The following RASGRF1 variants were observed in gnomAD, a reference collection of about 807,000 sequenced individuals.
RASGRF1 encodes the protein ras-specific guanine nucleotide-releasing factor 1.
A neutral mutation model predicts 138.7 loss-of-function variants in RASGRF1; 40 were observed. That is an observed-to-expected ratio of 0.29 (90% CI 0.22 to 0.38). RASGRF1 has a LOEUF of 0.38. Among genes scored for constraint, RASGRF1 ranks in the 10% least tolerant of loss-of-function variants. The probability of loss-of-function intolerance (pLI) is 1.00; values close to 1 mark genes in which losing one functional copy is unlikely to be tolerated. For missense variants in RASGRF1, 1,108 were observed against 1,650.4 expected (o/e 0.67, Z 5.69); for synonymous variants, 614 against 663.2 (o/e 0.93, Z 1.14).
chr15:78,994,345 G>A (rs1335326989), intron 20 of RASGRF1, among the ~76,000 whole-genome samples: 3 of 152,290 alleles, frequency 2.0e-5, no homozygotes, highest in African/African-American at 4.8e-5. Context: ...CTTCATAGGT[G>A]CCCTCACCAC....
rs1345041282 is a variant in RASGRF1, at chr15:78,985,010, C to T, written c.3411G>A (p.Lys1137=). 1.2e-6 allele frequency: 2 copies of T among 1,614,056 alleles called. No individual in the cohort carries two copies. Among genetic ancestry groups the T allele is most frequent in the Admixed American group, 3.3e-5 (2 of 60,022 alleles). Reference sequence around the variant, plus strand: ...GGTGCCAGCCTCCTGCCCGCACCTGCTTAGAGACTTTGAGCCACGTCTTTT... The same window carrying T: ...GGTGCCAGCCTCCTGCCCGCACCTGTTTAGAGACTTTGAGCCACGTCTTTT... ...RLKKTWLKVS[K]QTKALIDKLQ... is the part of the protein sequence containing the mutation. Residue 1137 remains lysine (K), a synonymous_variant, in exon 23 of 27, where the codon AAG becomes AAA. Transcript: ENST00000558480.
At chr15:79,084,755 C>T (rs963001331) in intron 1 of RASGRF1, among the ~76,000 whole-genome samples, 6 of 152,222 alleles carry the variant, frequency 3.9e-5, no homozygotes, top group African/African-American at 1.4e-4. Context: ...TGCCACTCAT[C>T]CTCTTCCACT....
rs2057505028 is a variant in RASGRF1, at chr15:79,055,959, C to T, written c.531+2375G>A. ...GACACAGCCCGTCCTTATGGAGTTC[C>T]TGCCAGGCCTGTTGGGGTGACAGGC... On this transcript the variant is annotated intron_variant, in intron 3 of 26. Coordinates refer to ENST00000558480, the MANE Select transcript of RASGRF1 (RefSeq NM_001145648.3). Among the ~76,000 whole-genome samples, 3 of 152,168 alleles carry T rather than the reference C, an allele frequency of 2.0e-5. No homozygotes were observed. The South Asian group carries it at 6.2e-4, about 32-fold the overall frequency.
intron 11 of RASGRF1, among the ~76,000 whole-genome samples, chr15:79,018,921 A>T (rs765136548): frequency 3.9e-5 from 6 of 152,188 alleles, no homozygotes; most frequent in Admixed American, 6.5e-5. Flanking sequence ...AGATGAAAGA[A>T]GGCTGCACTG....
intron 22 of RASGRF1, among the ~76,000 whole-genome samples, chr15:78,987,570 C>T (rs947393632): frequency 5.3e-5 from 8 of 152,064 alleles, no homozygotes; most frequent in Non-Finnish European, 5.9e-5. Context: ...GTGGCATGCA[C>T]CTGTAATCCC....
intron 5 of RASGRF1, among the ~76,000 whole-genome samples, chr15:79,039,490 T>C (rs967411128): frequency 1.3e-5 from 2 of 152,128 alleles, no homozygotes; most frequent in African/African-American, 4.8e-5. Context: ...TTTAAGAACA[T>C]TATCTGTTTG....
At chr15:78,978,843 G>A (rs1286384356) in intron 24 of RASGRF1, 3 of 1,185,424 alleles carry the variant, frequency 2.5e-6, no homozygotes, top group Admixed American at 3.5e-5. Context: ...AACCTGGTTT[G>A]CATAAAGCTC....
chr15:79,066,294 C>CGGGAAAGCAGAGAA (rs1235106295), intron 1 of RASGRF1, among the ~76,000 whole-genome samples: 1 of 152,168 alleles, frequency 6.6e-6, no homozygotes, highest in Non-Finnish European at 1.5e-5. Context: ...GGCCAAACAG[C>CGGGAAAGCAGAGAA]GGGAAAGCAG....
Position 79,032,085 on chromosome 15 carries a change from C to T in RASGRF1, c.1152+38G>A. The T allele has an allele frequency of 6.3e-7, 1 of 1,597,724 alleles. No homozygotes were observed. The highest frequency in any genetic ancestry group is 1.1e-5 in the South Asian group (1 of 88,316). On this transcript the variant is annotated intron_variant, in intron 7 of 26. Transcript: ENST00000558480. The surrounding 1 kb of genome is among the most constrained non-coding windows in gnomAD (Gnocchi z 4.5). The stretch of plus-strand genomic sequence containing the variant: ...CATGGTCCATCCCCCACACCTGCCT[C>T]CCTGACTCTACCCCACCCAGGCAGG...
intron 26 of RASGRF1, among the ~76,000 whole-genome samples, chr15:78,966,004 G>A (rs556443804): frequency 6.6e-6 from 1 of 152,164 alleles, no homozygotes; most frequent in Non-Finnish European, 1.5e-5. Flanking sequence ...TGTTGAATAA[G>A]GCAGAGGGAG....
chr15:78,993,278 G>C (rs1297148684), intron 20 of RASGRF1, among the ~76,000 whole-genome samples: 2 of 150,826 alleles, frequency 1.3e-5, no homozygotes, highest in Non-Finnish European at 3.0e-5. Context: ...TGTGTGGTGT[G>C]TGTGTGGTGT....
chr15:78,975,348 T>G (rs2055849336), intron 24 of RASGRF1, among the ~76,000 whole-genome samples: 1 of 151,890 alleles, frequency 6.6e-6, no homozygotes, highest in African/African-American at 2.4e-5. Flanking sequence ...TGCATTTGTA[T>G]ACAGGCTTGT....
At chr15:79,085,002 C>T (rs2057961584) in intron 1 of RASGRF1, among the ~76,000 whole-genome samples, 1 of 152,194 alleles carries the variant, frequency 6.6e-6, no homozygotes, top group Non-Finnish European at 1.5e-5. Context: ...CACCTGGACT[C>T]TGGGTTCCAG....
intron 1 of RASGRF1, among the ~76,000 whole-genome samples, chr15:79,078,624 C>T (rs1312611149): frequency 6.6e-6 from 1 of 152,164 alleles, no homozygotes; most frequent in Non-Finnish European, 1.5e-5. Context: ...ACTCATACCC[C>T]CTACCTCTCC....
In RASGRF1 at chr15:79,031,446, G is replaced by A. The variant is rs1374194932; in HGVS notation, c.1216C>T (p.Arg406Cys). The change falls in exon 8 of 27, where the codon CGC (arginine) becomes TGC (cysteine). Residue 406 changes from arginine (R) to cysteine (C), a missense_variant. Arg to Cys is a radical substitution (Grantham distance 180, BLOSUM62 -3). Transcript: ENST00000558480. Reference sequence around the variant, plus strand: ...GACTTGGCGTAGTCCAGGCTGTTGCGCTCAACGTGCTCATGAGGCGTGTGG... The same window carrying A: ...GACTTGGCGTAGTCCAGGCTGTTGCACTCAACGTGCTCATGAGGCGTGTGG... ...LAHTPHEHVE[R>C]NSLDYAKSKL... The A allele has an allele frequency of 3.7e-6, 6 of 1,613,328 alleles. No homozygotes were observed. Among genetic ancestry groups the A allele is most frequent in the Non-Finnish European group, 5.1e-6 (6 of 1,179,686 alleles).
chr15:79,057,970 C>T (rs747016955), intron 3 of RASGRF1, among the ~76,000 whole-genome samples: 1 of 152,212 alleles, frequency 6.6e-6, no homozygotes, highest in Non-Finnish European at 1.5e-5. Flanking sequence ...GCAGAATGCT[C>T]AGTCAATACA....
At chr15:79,076,396 GGTT>G (rs2057834086) in intron 1 of RASGRF1, among the ~76,000 whole-genome samples, 1 of 152,116 alleles carries the variant, frequency 6.6e-6, no homozygotes, top group African/African-American at 2.4e-5. Flanking sequence ...GGAGCAACGT[GGTT>G]GTTGTCATAC....
At chr15:79,076,618 G>A (rs1344174258) in intron 1 of RASGRF1, among the ~76,000 whole-genome samples, 4 of 152,210 alleles carry the variant, frequency 2.6e-5, no homozygotes. Context: ...GGAAGCAGAA[G>A]GGTCTCAGAG....
chr15:78,996,953 G>C (rs1360471682), intron 19 of RASGRF1, among the ~76,000 whole-genome samples: 2 of 152,200 alleles, frequency 1.3e-5, no homozygotes, highest in Non-Finnish European at 2.9e-5. Flanking sequence ...AGGTGAGGAG[G>C]AAAGGCCAGG....
Sources: gnomAD v4.1 joint callset for allele counts (sites outside exome capture counted in the v4.1 genomes callset) on GRCh38, gnomAD v4.1.1 for gene constraint, Gnocchi (gnomAD v3.1) non-coding constraint, MANE v1.5 for transcripts, NCBI Gene and HGNC (gene_info 2026-07-23, HGNC 2026-07-21) for gene names.